The following ADAMTS17 variants were observed in gnomAD, a reference collection of about 807,000 sequenced individuals.
ADAMTS17 encodes ADAM metallopeptidase with thrombospondin type 1 motif 17.
In ADAMTS17, 113 loss-of-function variants were observed where a neutral mutation model predicts 141.5. The ratio of observed to expected loss-of-function variants is 0.80; its 90% CI spans 0.69 to 0.93. The LOEUF is 0.93. Ranked by LOEUF, ADAMTS17 falls within the 40% of genes least tolerant of loss-of-function variation. The probability of loss-of-function intolerance (pLI) is 0.00; values close to 1 mark genes in which losing one functional copy is unlikely to be tolerated. For synonymous variants in ADAMTS17, 768 were observed against 630.6 expected, an observed-to-expected ratio of 1.22 and a Z score of -3.27; for missense variants, 1,659 against 1,517.9, an observed-to-expected ratio of 1.09 and a Z score of -1.54.
chr15:100,009,874 T>C (rs1450335157), intron 18 of ADAMTS17, among the ~76,000 whole-genome samples: 1 of 152,198 alleles, frequency 6.6e-6, no homozygotes, highest in Non-Finnish European at 1.5e-5. Context: ...TGAATCCTAT[T>C]TTGGATTTAC....
chr15:100,120,619 A>G (rs954105994), intron 12 of ADAMTS17, among the ~76,000 whole-genome samples: 14 of 152,234 alleles, frequency 9.2e-5, no homozygotes, highest in African/African-American at 3.4e-4. Flanking sequence ...AGCCACCAGC[A>G]ATGGCTAGGA....
intron 13 of ADAMTS17, among the ~76,000 whole-genome samples, chr15:100,116,032 T>C (rs1363357465): frequency 6.6e-6 from 1 of 151,146 alleles, no homozygotes; most frequent in Non-Finnish European, 1.5e-5. Flanking sequence ...ACGATGTATG[T>C]AGAGCTAACT....
intron 12 of ADAMTS17, among the ~76,000 whole-genome samples, chr15:100,123,737 C>T (rs2037571644): frequency 6.6e-6 from 1 of 152,182 alleles, no homozygotes. Flanking sequence ...CAACAGGTGA[C>T]ATAACCGCTT....
intron 20 of ADAMTS17, among the ~76,000 whole-genome samples, chr15:99,976,805 G>A (rs12440866): frequency 0.57 from 86,836 of 152,080 alleles, 25,980 homozygotes; most frequent in Non-Finnish European, 0.66. Context: ...AGGAATAAAT[G>A]TTTAAGCCAC....
chr15:100,189,524 A>C (rs1006985060), intron 8 of ADAMTS17, among the ~76,000 whole-genome samples: 7 of 152,174 alleles, frequency 4.6e-5, no homozygotes, highest in African/African-American at 1.7e-4. Context: ...CAACACAGCC[A>C]ACCACAGACT....
At chr15:100,281,553 G>T in intron 3 of ADAMTS17, 152 bp from the exon 4 acceptor site, 1 of 1,061,532 alleles carries the variant, frequency 9.4e-7, no homozygotes. Flanking sequence ...ACCGTCATGT[G>T]GGTGCCCCGA....
chr15:100,309,776 G>A (rs2045344330), intron 3 of ADAMTS17, among the ~76,000 whole-genome samples: 1 of 152,108 alleles, frequency 6.6e-6, no homozygotes, highest in Non-Finnish European at 1.5e-5. Context: ...CCAGAACTCT[G>A]GGCCCACCCC....
At chr15:100,008,719 A>C (rs1259451819) in intron 18 of ADAMTS17, among the ~76,000 whole-genome samples, 1 of 152,168 alleles carries the variant, frequency 6.6e-6, no homozygotes, top group Admixed American at 6.5e-5. Flanking sequence ...CAGAGTTCTC[A>C]CTTCTCATTT....
At chr15:100,248,867 C>T (rs1050506008) in intron 7 of ADAMTS17, among the ~76,000 whole-genome samples, 2 of 151,154 alleles carry the variant, frequency 1.3e-5, no homozygotes, top group Non-Finnish European at 2.9e-5. Context: ...GGTGCGATCT[C>T]GGCTCACTGC....
intron 14 of ADAMTS17, 45 bp from the exon 15 acceptor site, chr15:100,096,521 G>C (rs201711466): frequency 2.5e-5 from 40 of 1,613,442 alleles, no homozygotes; most frequent in Non-Finnish European, 3.1e-5. Context: ...AAGACTCAGA[G>C]GAGTTTTAAA....
chr15:100,230,219 C>T (rs933396281), intron 7 of ADAMTS17, among the ~76,000 whole-genome samples: 2 of 152,220 alleles, frequency 1.3e-5, no homozygotes, highest in African/African-American at 4.8e-5. Context: ...ACGAATGACA[C>T]CCGCGGTGCA....
intron 7 of ADAMTS17, among the ~76,000 whole-genome samples, chr15:100,218,755 C>T (rs1296034264): frequency 6.6e-6 from 1 of 152,124 alleles, no homozygotes; most frequent in East Asian, 1.9e-4. Context: ...AAAACGTGTC[C>T]CCATAAAAAC....
chr15:100,044,405 C>CA (rs1343685847), intron 18 of ADAMTS17, among the ~76,000 whole-genome samples: 7 of 152,194 alleles, frequency 4.6e-5, no homozygotes, highest in Non-Finnish European at 1.0e-4. Flanking sequence ...CCTCTATCTT[C>CA]AAGTTCAGTA....
chr15:100,014,948 T>TATCA (rs1251637173), intron 18 of ADAMTS17, among the ~76,000 whole-genome samples: 4 of 152,354 alleles, frequency 2.6e-5, no homozygotes, highest in African/African-American at 9.6e-5. Context: ...TGTCTAGTGC[T>TATCA]ATCAGTGGAG....
intron 10 of ADAMTS17, among the ~76,000 whole-genome samples, chr15:100,137,945 A>C (rs2038422774): frequency 6.6e-6 from 1 of 152,052 alleles, no homozygotes; most frequent in South Asian, 2.1e-4. Context: ...GCCAACACCA[A>C]TGCCCGCCCT....
At chr15:100,154,494 T>A (rs1451349314) in intron 9 of ADAMTS17, among the ~76,000 whole-genome samples, 1 of 152,186 alleles carries the variant, frequency 6.6e-6, no homozygotes, top group African/African-American at 2.4e-5. Context: ...GACTCACTGC[T>A]GTCTCCCAGG....
At chr15:100,298,913 G>A (rs1332261491) in intron 3 of ADAMTS17, among the ~76,000 whole-genome samples, 1 of 152,170 alleles carries the variant, frequency 6.6e-6, no homozygotes, top group African/African-American at 2.4e-5. Flanking sequence ...CAAAGAGTCA[G>A]TGGGGTTGGT....
rs764249641 is a variant in ADAMTS17, at chr15:99,993,210, A to C, written c.2797-10T>G. The C allele has an allele frequency of 1.5e-5, 25 of 1,614,054 alleles. No homozygotes were observed. Among genetic ancestry groups the C allele is most frequent in the Non-Finnish European group, 1.9e-5 (23 of 1,180,044 alleles). ...CACAGCTGGCAGAGCACTGCAAGAC[A>C]CCATTCAAATATTTAACCGAGTTCC... On this transcript the variant is annotated splice_polypyrimidine_tract_variant and intron_variant, in intron 19 of 21. Coordinates refer to ENST00000268070, the MANE Select transcript of ADAMTS17 (RefSeq NM_139057.4). This position sits in a 1 kb window ranked among gnomAD's most constrained non-coding sequence, Gnocchi z 4.3.
rs190842925 is a variant in ADAMTS17 at position 100,194,995 on chromosome 15, C to T, written c.1181+4323G>A. ...ACTTTACGGTGCATTTCTCAAGCTA[C>T]CGCTATGGAAAGGGACACAGCTGCC... On this transcript the variant is annotated intron_variant, in intron 8 of 21. Coordinates refer to ENST00000268070, the MANE Select transcript of ADAMTS17 (RefSeq NM_139057.4). Among the ~76,000 whole-genome samples the T allele has an allele frequency of 1.1e-3, 171 of 152,372 alleles. 3 individuals are homozygous for T. The highest frequency in any genetic ancestry group is 3.4e-3 in the African/African-American group (141 of 41,596).
Sources: allele counts gnomAD v4.1 joint callset (sites outside exome capture counted in the v4.1 genomes callset), GRCh38; gene constraint gnomAD v4.1.1; non-coding constraint Gnocchi (gnomAD v3.1); transcripts MANE v1.5; gene names NCBI Gene and HGNC (gene_info 2026-07-23, HGNC 2026-07-21).